Variants in LBHD1 observed in about 807,000 individuals in gnomAD.
The protein encoded by LBHD1 is LBH domain containing 1, also known as LBH domain-containing protein 1.
LBHD1 carries 28 observed loss-of-function variants against 31.1 expected under a neutral mutation model. The observed-to-expected ratio is 0.90, with a 90% CI of 0.67 to 1.24. The LOEUF (loss-of-function observed/expected upper bound fraction) is 1.24, where lower values mean the gene tolerates loss of function less well. Among genes scored for constraint, LBHD1 ranks in the 50% most tolerant of loss-of-function variants. The probability of loss-of-function intolerance (pLI) is 0.00; values close to 1 mark genes in which losing one functional copy is unlikely to be tolerated. For synonymous variants in LBHD1, 105 were observed against 116.5 expected, an observed-to-expected ratio of 0.90 and a Z score of 0.63; for missense variants, 350 against 323.0, an observed-to-expected ratio of 1.08 and a Z score of -0.64.
chr11:62,666,030 T>C, intron 4 of LBHD1: 1 of 1,425,742 alleles, frequency 7.0e-7, no homozygotes, highest in Non-Finnish European at 9.6e-7. Flanking sequence ...GTCAGGAGTG[T>C]AGTCCCTGAA....
chr11:62,667,728 C>T lies in LBHD1; in HGVS notation c.333G>A (p.Gln111=), dbSNP rs1235482188. Residue 111 remains glutamine (Q), a synonymous_variant, in exon 4 of 7, where the codon CAG becomes CAA. Transcript: ENST00000354588. ...SEEPGWAWSP[Q]DPRSPLRTFN... is the part of the protein sequence containing the mutation. ...ATGTTCTTAAAGGACTTCTAGGGTC[C>T]TGTGGGCTCCAAGCCCAGCCTGGGA... 13 of 1,608,630 alleles carry T rather than the reference C, an allele frequency of 8.1e-6. No homozygotes were observed. Among genetic ancestry groups the T allele is most frequent in the Non-Finnish European group, 1.0e-5 (12 of 1,175,578 alleles).
Position 62,672,165 on chromosome 11 carries a change from C to T in LBHD1, c.-612G>A, listed in dbSNP as rs1368650429. 1.3e-6 allele frequency: 2 copies of T among 1,520,470 alleles called. No homozygotes were observed. Among genetic ancestry groups the T allele is most frequent in the South Asian group, 1.2e-5 (1 of 82,700 alleles). The allele number at this position is 1,520,470 out of a possible 1,614,324, so 94.2% of individuals were successfully genotyped here. A position where few individuals can be genotyped will look rare whatever the true frequency, so the allele number is the denominator to read the frequency against. On this transcript the variant is annotated 5_prime_UTR_variant, in exon 1 of 7. Coordinates refer to ENST00000354588, the MANE Select transcript of LBHD1 (RefSeq NM_024099.5). ...GGACCTTGGCTTGGGCGCAGGAATC[C>T]GAGGCAGCCTTTCTCCTTCGTGGGC...
chr11:62,667,220 C>A, intron 4 of LBHD1: 1 of 701,398 alleles, frequency 1.4e-6, no homozygotes, highest in Non-Finnish European at 2.4e-6. Flanking sequence ...TACTCATCTG[C>A]AGAGTGAGAA....
At chr11:62,668,985 G>A in intron 3 of LBHD1, among the ~76,000 whole-genome samples, 1 of 151,676 alleles carries the variant, frequency 6.6e-6, no homozygotes. Context: ...GGAGTGCAGT[G>A]GTGGGATCTC....
chr11:62,668,078 A>C (rs945409650), intron 3 of LBHD1: 2 of 233,814 alleles, frequency 8.6e-6, no homozygotes, highest in Non-Finnish European at 1.7e-5. Context: ...GCTTATAAAA[A>C]AATAGAGCAA....
chr11:62,665,378 T>G (rs999250449), intron 4 of LBHD1: 1 of 1,059,864 alleles, frequency 9.4e-7, no homozygotes, highest in Non-Finnish European at 1.4e-6. Flanking sequence ...CGGCCGGGAG[T>G]GGTGGGGGTG....
chr11:62,666,096 C>T, intron 4 of LBHD1: 1 of 966,766 alleles, frequency 1.0e-6, no homozygotes, highest in South Asian at 1.6e-5. Flanking sequence ...GGCTGTAATG[C>T]TAACACTTTG....
At chr11:62,666,477 C>T (rs1415156696) in intron 4 of LBHD1, 1 of 1,613,980 alleles carries the variant, frequency 6.2e-7, no homozygotes, top group Non-Finnish European at 8.5e-7. Flanking sequence ...ACTGTCCCCA[C>T]CTTCGACTGG....
chr11:62,666,377 C>T (rs1565127288), intron 4 of LBHD1: 3 of 1,604,794 alleles, frequency 1.9e-6, no homozygotes, highest in East Asian at 2.2e-5. Context: ...CAAGTGACAC[C>T]CTCCAACCGT....
chr11:62,665,736 G>C (rs1240873776), intron 4 of LBHD1: 16 of 1,466,818 alleles, frequency 1.1e-5, no homozygotes, highest in East Asian at 4.9e-5. Flanking sequence ...TCTTTTTTCC[G>C]GGACTGCAGA....
chr11:62,666,466 C>T (rs545639180), intron 4 of LBHD1: 13 of 1,613,756 alleles, frequency 8.1e-6, no homozygotes, highest in Admixed American at 1.7e-5. Context: ...CTCGTTTGGG[C>T]ACTGTCCCCA....
chr11:62,672,229 C>T lies in LBHD1; in HGVS notation c.-676G>A. ...CGGACCGAGATACCATGCCAGGACT[C>T]TCCGGGGTCCTGTGAGCTGCCGTCG... On this transcript the variant is annotated 5_prime_UTR_variant, in exon 1 of 7. Transcript: ENST00000354588. The T allele has an allele frequency of 4.5e-6, 5 of 1,105,028 alleles. No individual in the cohort carries two copies. The highest frequency in any genetic ancestry group is 6.4e-6 in the Non-Finnish European group (5 of 782,416). 68.5% of individuals were successfully genotyped at this position (1,105,028 alleles called of 1,614,324 possible).
Position 62,671,687 on chromosome 11 carries a change from G to C in LBHD1, c.-134C>G. On this transcript the variant is annotated 5_prime_UTR_variant, in exon 1 of 7. Transcript: ENST00000354588. ...CGCCAAGGGGTAGTGAGACCGCGCG[G>C]CAACAGCTTGCGGCTGCGGGGAGCT... The C allele has an allele frequency of 8.8e-6, 14 of 1,599,806 alleles. No homozygotes were observed. The highest frequency in any genetic ancestry group is 1.1e-5 in the Non-Finnish European group (13 of 1,173,266).
chr11:62,662,982 A>T lies in LBHD1; in HGVS notation c.*147T>A. 1 of 1,283,670 alleles carries T rather than the reference A, an allele frequency of 7.8e-7. No homozygotes were observed. The highest frequency in any genetic ancestry group is 1.1e-6 in the Non-Finnish European group (1 of 915,624). The allele number at this position is 1,283,670 out of a possible 1,614,324, so 79.5% of individuals were successfully genotyped here. A position where few individuals can be genotyped will look rare whatever the true frequency, so the allele number is the denominator to read the frequency against. On this transcript the variant is annotated 3_prime_UTR_variant, in exon 7 of 7. Transcript: ENST00000354588. ...AGTGAAAAGGGGCCTTGCTTTTGTCAAAGTCCTCTGAAACAACCACTGAGT... is the reference window on the plus strand; with the variant it reads ...AGTGAAAAGGGGCCTTGCTTTTGTCTAAGTCCTCTGAAACAACCACTGAGT...
intron 4 of LBHD1, chr11:62,665,560 C>G: frequency 6.4e-7 from 1 of 1,568,136 alleles, no homozygotes; most frequent in Non-Finnish European, 8.6e-7. Flanking sequence ...TCCTCAAACG[C>G]CGGGACACCG....
intron 3 of LBHD1, 54 bp downstream of exon 3, chr11:62,669,587 T>C: frequency 6.4e-7 from 1 of 1,568,230 alleles, no homozygotes; most frequent in African/African-American, 1.4e-5. Context: ...CCATCTTGGC[T>C]CTGCCCAGAA....
At position 62,671,722 on chromosome 11, in the gene LBHD1, G is replaced by A. The variant is rs577537073; in HGVS notation, c.-169C>T. On this transcript the variant is annotated 5_prime_UTR_variant, in exon 1 of 7. Coordinates refer to ENST00000354588, the MANE Select transcript of LBHD1 (RefSeq NM_024099.5). ...GCGGCTGCGGGGAGCTCCCGTGGGC[G>A]CTCCGCTGGCTGTGCAGGCGGCCAT... The A allele has an allele frequency of 4.3e-6, 7 of 1,611,162 alleles. No individual in the cohort carries two copies. The African/African-American group carries it at 6.7e-5, about 15-fold the overall frequency.
chr11:62,667,670 C>T lies in LBHD1; in HGVS notation c.391G>A (p.Asp131Asn). 1 of 1,614,166 alleles carries T rather than the reference C, an allele frequency of 6.2e-7. No individual in the cohort carries two copies. The highest frequency in any genetic ancestry group is 8.5e-7 in the Non-Finnish European group (1 of 1,180,046). Reference sequence around the variant, plus strand: ...AGAATCCAACAAGCATCTTCTTCATCCTGGTCCTGCCCCCAGCTGAGTCCA... The same window carrying T: ...AGAATCCAACAAGCATCTTCTTCATTCTGGTCCTGCCCCCAGCTGAGTCCA... ...NAGLSWGQDQ[D>N]EEDACWILED... The change falls in exon 4 of 7, where the codon GAT becomes AAT. Residue 131 changes from aspartate (D) to asparagine (N), a missense_variant. By Grantham distance (23) the Asp-to-Asn change is conservative. Coordinates refer to ENST00000354588, the MANE Select transcript of LBHD1 (RefSeq NM_024099.5).
Position 62,671,770 on chromosome 11 carries a change from A to C in LBHD1, c.-217T>G. On this transcript the variant is annotated 5_prime_UTR_variant, in exon 1 of 7. Transcript: ENST00000354588. The stretch of plus-strand genomic sequence containing the variant: ...CATGGATTCCTTGCGGAAAATGCTG[A>C]TCTCAGTCGCAATGCTGGGCGCAGG... 6.2e-7 allele frequency: 1 copy of C among 1,614,032 alleles called. No individual in the cohort carries two copies. The highest frequency in any genetic ancestry group is 8.5e-7 in the Non-Finnish European group (1 of 1,179,982).
Sources: allele counts gnomAD v4.1 joint callset (sites outside exome capture counted in the v4.1 genomes callset), GRCh38; gene constraint gnomAD v4.1.1; transcripts MANE v1.5; gene names NCBI Gene and HGNC (gene_info 2026-07-23, HGNC 2026-07-21).